The following PLXNA4 variants were observed in gnomAD, a reference collection of about 807,000 sequenced individuals.
PLXNA4 encodes plexin-A4.
Under a neutral mutation model 191.8 loss-of-function variants are expected in PLXNA4, and 44 were observed. That is an observed-to-expected ratio of 0.23 (90% CI 0.18 to 0.29). PLXNA4 has a LOEUF of 0.29. PLXNA4 is among the 10% of genes least tolerant of loss of function. The pLI is 1.00. For missense variants in PLXNA4, 1,800 were observed against 2,488.8 expected (o/e 0.72, Z 5.89); for synonymous variants, 1,082 against 1,009.5 (o/e 1.07, Z -1.36).
chr7:132,204,904 C>T (rs1287037734), intron 10 of PLXNA4, among the ~76,000 whole-genome samples: 2 of 152,214 alleles, frequency 1.3e-5, no homozygotes, highest in African/African-American at 4.8e-5. Context: ...GGATGTACCT[C>T]CAGCCACTCC....
intron 31 of PLXNA4, among the ~76,000 whole-genome samples, chr7:132,132,440 C>CTGTTCTGT (rs1794971610): frequency 4.6e-5 from 3 of 64,826 alleles, no homozygotes; most frequent in Admixed American, 2.2e-4. Flanking sequence ...CTGTTCTGTT[C>CTGTTCTGT]TGTTCTGTTC....
At chr7:132,445,747 A>G (rs1312823340) in intron 3 of PLXNA4, among the ~76,000 whole-genome samples, 1 of 152,086 alleles carries the variant, frequency 6.6e-6, no homozygotes, top group Non-Finnish European at 1.5e-5. Context: ...AATGCCACTG[A>G]CCCCACCCTG....
At chr7:132,342,558 T>A (rs1803071800) in intron 3 of PLXNA4, among the ~76,000 whole-genome samples, 1 of 152,040 alleles carries the variant, frequency 6.6e-6, no homozygotes, top group Non-Finnish European at 1.5e-5. Context: ...TAGGCACAGG[T>A]GAGAGGCCAG....
chr7:132,244,692 A>G (rs1281938655), intron 4 of PLXNA4, among the ~76,000 whole-genome samples: 1 of 152,182 alleles, frequency 6.6e-6, no homozygotes, highest in East Asian at 1.9e-4. Context: ...ACCATCAGGC[A>G]ATAGTCTCCA....
chr7:132,543,655 C>T (rs1462739682), intron 1 of PLXNA4, among the ~76,000 whole-genome samples: 1 of 152,106 alleles, frequency 6.6e-6, no homozygotes, highest in Non-Finnish European at 1.5e-5. Flanking sequence ...AAAGATAAAC[C>T]CAAACAATAG....
intron 3 of PLXNA4, among the ~76,000 whole-genome samples, chr7:132,421,854 G>A (rs1163136408): frequency 6.6e-6 from 1 of 152,120 alleles, no homozygotes; most frequent in African/African-American, 2.4e-5. Flanking sequence ...GAGTATCGCA[G>A]TGGGAACCCC....
chr7:132,397,664 C>A (rs1793821151), intron 3 of PLXNA4, among the ~76,000 whole-genome samples: 1 of 152,224 alleles, frequency 6.6e-6, no homozygotes, highest in Non-Finnish European at 1.5e-5. Context: ...TGCCCACTGT[C>A]TCTACCACCT....
chr7:132,132,458 TTCTGTTCTGCTCTGC>T (rs1387503332), intron 31 of PLXNA4, among the ~76,000 whole-genome samples: 515 of 55,420 alleles, frequency 9.3e-3, no homozygotes, highest in African/African-American at 0.019. Flanking sequence ...TTCTGTTCTG[TTCTGTTCTGCTCTGC>T]TCTGCTCTGC....
Position 132,388,224 on chromosome 7 carries a change from C to T in PLXNA4, c.1372-90002G>A, listed in dbSNP as rs140380561. Among the ~76,000 whole-genome samples the T allele has an allele frequency of 6.7e-3, 1,016 of 152,236 alleles. 8 individuals are homozygous for T. Among genetic ancestry groups the T allele is most frequent in the Middle Eastern group, 0.037 (11 of 294 alleles). On this transcript the variant is annotated intron_variant, in intron 3 of 31. Transcript: ENST00000321063. ...TTCGGAGCACTCCCATACACCTGTC[C>T]TCCCTATTCCTGTCTCACCTGCACT...
intron 5 of PLXNA4, among the ~76,000 whole-genome samples, chr7:132,232,612 G>T (rs1212236667): frequency 6.6e-6 from 1 of 152,094 alleles, no homozygotes; most frequent in Non-Finnish European, 1.5e-5. Context: ...CCCTGGAAGG[G>T]GTTATTATTC....
At chr7:132,358,862 A>G (rs1202370335) in intron 3 of PLXNA4, among the ~76,000 whole-genome samples, 1 of 152,202 alleles carries the variant, frequency 6.6e-6, no homozygotes, top group Non-Finnish European at 1.5e-5. Context: ...TTGAAGGTTG[A>G]AGACAGGCAG....
intron 3 of PLXNA4, among the ~76,000 whole-genome samples, chr7:132,401,301 G>A (rs559044104): frequency 2.0e-5 from 3 of 152,258 alleles, no homozygotes; most frequent in Middle Eastern, 3.4e-3. Context: ...GCAAATTCAC[G>A]ATTATCTCAA....
intron 2 of PLXNA4, among the ~76,000 whole-genome samples, chr7:132,611,165 C>T (rs1423384489): frequency 6.6e-6 from 1 of 152,208 alleles, no homozygotes; most frequent in Admixed American, 6.5e-5. Context: ...TTTTCTTTAG[C>T]AACACTGAAA....
intron 3 of PLXNA4, among the ~76,000 whole-genome samples, chr7:132,424,133 G>C (rs749621241): frequency 6.6e-6 from 1 of 152,008 alleles, no homozygotes; most frequent in Non-Finnish European, 1.5e-5. Context: ...CCTCCTCCTC[G>C]CCAGGGTCTC....
intron 25 of PLXNA4, among the ~76,000 whole-genome samples, chr7:132,150,133 CCT>C (rs1795553061): frequency 6.6e-6 from 1 of 152,268 alleles, no homozygotes; most frequent in East Asian, 1.9e-4. Context: ...ACCATCCATC[CCT>C]TAGTCCTGTG....
At chr7:132,335,999 G>A (rs1802801250) in intron 3 of PLXNA4, among the ~76,000 whole-genome samples, 1 of 152,208 alleles carries the variant, frequency 6.6e-6, no homozygotes, top group African/African-American at 2.4e-5. Flanking sequence ...GAGATGAACA[G>A]CCTCCCAGTC....
intron 4 of PLXNA4, among the ~76,000 whole-genome samples, chr7:132,254,599 T>C (rs1799369238): frequency 6.6e-6 from 1 of 152,224 alleles, no homozygotes; most frequent in Non-Finnish European, 1.5e-5. Context: ...TGTGTGGGAC[T>C]GGGAGGACAG....
intron 1 of PLXNA4, among the ~76,000 whole-genome samples, chr7:132,543,348 T>C (rs1477641432): frequency 1.3e-5 from 2 of 152,222 alleles, no homozygotes; most frequent in Non-Finnish European, 2.9e-5. Flanking sequence ...TGCTGTCAAA[T>C]GCATTGCTTA....
chr7:132,577,647 C>A (rs1159500747), upstream of PLXNA4, among the ~76,000 whole-genome samples: 1 of 152,106 alleles, frequency 6.6e-6, no homozygotes, highest in Non-Finnish European at 1.5e-5. Flanking sequence ...CACGGAGCTA[C>A]CCTGGCGGTG....
Sources: gnomAD v4.1 joint callset for allele counts (sites outside exome capture counted in the v4.1 genomes callset) on GRCh38, gnomAD v4.1.1 for gene constraint, MANE v1.5 for transcripts, NCBI Gene and HGNC (gene_info 2026-07-23, HGNC 2026-07-21) for gene names.